The following DPP10 variants were observed in gnomAD, a reference collection of about 807,000 sequenced individuals.
DPP10 encodes dipeptidyl peptidase like 10, also known as inactive dipeptidyl peptidase 10.
In DPP10, 33 loss-of-function variants were observed where a neutral mutation model predicts 120.9. That is an observed-to-expected ratio of 0.27 (90% CI 0.21 to 0.37). The LOEUF is 0.37. Ranked by LOEUF, DPP10 falls within the 10% of genes least tolerant of loss-of-function variation. DPP10 has a pLI of 1.00. For missense variants in DPP10, 816 were observed against 942.8 expected, an observed-to-expected ratio of 0.87 and a Z score of 1.76; for synonymous variants, 337 against 326.1, an observed-to-expected ratio of 1.03 and a Z score of -0.36.
At chr2:114,884,670 C>A (rs551103473) in intron 1 of DPP10, among the ~76,000 whole-genome samples, 2 of 152,256 alleles carry the variant, frequency 1.3e-5, no homozygotes, top group African/African-American at 4.8e-5. Flanking sequence ...CTAGCACTGT[C>A]TACTGTACCC....
chr2:115,236,430 G>A (rs183426372), intron 1 of DPP10, among the ~76,000 whole-genome samples: 1 of 152,286 alleles, frequency 6.6e-6, no homozygotes, highest in African/African-American at 2.4e-5. Flanking sequence ...ATCAAGAGGG[G>A]AAGTCATTTT....
At chr2:115,465,970 A>G (rs1489976005) in intron 3 of DPP10, among the ~76,000 whole-genome samples, 1 of 152,184 alleles carries the variant, frequency 6.6e-6, no homozygotes, top group Non-Finnish European at 1.5e-5. Flanking sequence ...CTTTTTAAAA[A>G]TGATAATTAC....
At chr2:114,910,496 T>G (rs1215034022) in intron 1 of DPP10, among the ~76,000 whole-genome samples, 3 of 152,078 alleles carry the variant, frequency 2.0e-5, no homozygotes, top group Non-Finnish European at 4.4e-5. Context: ...AATGAATTGT[T>G]ATAATAAACT....
At chr2:115,008,355 T>C (rs1702011245) in intron 1 of DPP10, among the ~76,000 whole-genome samples, 28 of 97,894 alleles carry the variant, frequency 2.9e-4, no homozygotes, top group South Asian at 3.8e-4. Context: ...TAAATGGTGC[T>C]GGGAAAACTG....
chr2:115,106,260 G>A (rs2048940231), intron 1 of DPP10, among the ~76,000 whole-genome samples: 1 of 152,192 alleles, frequency 6.6e-6, no homozygotes, highest in Non-Finnish European at 1.5e-5. Flanking sequence ...CTTGTAGTGA[G>A]GTAGTAACAG....
At chr2:114,474,952 C>T (rs1264475330) in intron 1 of DPP10, among the ~76,000 whole-genome samples, 3 of 152,178 alleles carry the variant, frequency 2.0e-5, no homozygotes, top group Admixed American at 6.5e-5. Context: ...ACCTGGAGGC[C>T]TTGCCATGCA....
At chr2:115,368,911 A>T (rs904461817) in intron 3 of DPP10, among the ~76,000 whole-genome samples, 1 of 151,868 alleles carries the variant, frequency 6.6e-6, no homozygotes, top group African/African-American at 2.4e-5. Context: ...ATATTACTGT[A>T]TGGTAAGTTT....
chr2:115,549,362 G>A (rs1314960215), intron 5 of DPP10, among the ~76,000 whole-genome samples: 2 of 152,024 alleles, frequency 1.3e-5, no homozygotes, highest in African/African-American at 4.8e-5. Flanking sequence ...TTCTTGTGAG[G>A]TTAACTGCAC....
At chr2:114,620,696 G>A (rs1694027308) in intron 1 of DPP10, among the ~76,000 whole-genome samples, 2 of 151,980 alleles carry the variant, frequency 1.3e-5, no homozygotes, top group Admixed American at 1.3e-4. Context: ...AAAGTACTAG[G>A]CCAATTAATT....
intron 1 of DPP10, among the ~76,000 whole-genome samples, chr2:115,082,275 G>A (rs1429888973): frequency 6.6e-6 from 1 of 152,118 alleles, no homozygotes; most frequent in Non-Finnish European, 1.5e-5. Context: ...GAGCCAAGGG[G>A]AGGTTTCTCA....
At chr2:114,981,492 C>G (rs2104858253) in intron 1 of DPP10, among the ~76,000 whole-genome samples, 1 of 152,202 alleles carries the variant, frequency 6.6e-6, no homozygotes, top group African/African-American at 2.4e-5. Context: ...CCCATATGAT[C>G]GTAAGAAAAA....
intron 5 of DPP10, among the ~76,000 whole-genome samples, chr2:115,668,194 T>G (rs191035018): frequency 2.0e-5 from 3 of 152,216 alleles, no homozygotes; most frequent in African/African-American, 7.2e-5. Flanking sequence ...GTGCCAATAT[T>G]CAGGTGCTGA....
intron 1 of DPP10, among the ~76,000 whole-genome samples, chr2:115,107,912 A>G (rs998836828): frequency 2.6e-5 from 4 of 152,208 alleles, no homozygotes; most frequent in African/African-American, 4.8e-5. Flanking sequence ...GGGAAAAGAC[A>G]TCAAATAACC....
At chr2:114,536,272 TC>T (rs1465834374) in intron 1 of DPP10, among the ~76,000 whole-genome samples, 2 of 152,162 alleles carry the variant, frequency 1.3e-5, no homozygotes, top group African/African-American at 4.8e-5. Flanking sequence ...ATGAATCTTT[TC>T]CCTTAGAGGA....
chr2:114,497,974 C>G (rs1682827248), intron 1 of DPP10, among the ~76,000 whole-genome samples: 1 of 152,142 alleles, frequency 6.6e-6, no homozygotes, highest in Non-Finnish European at 1.5e-5. Flanking sequence ...TCTAGCCTTG[C>G]CTTCTGGATT....
At chr2:114,833,343 C>G (rs973592580) in intron 1 of DPP10, 2 of 151,174 alleles carry the variant, frequency 1.3e-5, no homozygotes, top group African/African-American at 4.9e-5. Context: ...GAATGTCAAT[C>G]ATTTTCAATT....
intron 1 of DPP10, among the ~76,000 whole-genome samples, chr2:115,242,963 G>A (rs1391214996): frequency 6.6e-6 from 1 of 152,084 alleles, no homozygotes; most frequent in African/African-American, 2.4e-5. Flanking sequence ...TTTATTGGTA[G>A]TTGGTGATAC....
Position 115,814,725 on chromosome 2 carries a change from A to G in DPP10, c.1701-68A>G, listed in dbSNP as rs573667764. ...CTTTCCCATTACTTAACTTGTGAGT[A>G]TGAAAGGTAAAATTTCTACCAGATT... On this transcript the variant is annotated intron_variant, in intron 19 of 25. Transcript: ENST00000410059. 3.8e-6 allele frequency: 5 copies of G among 1,316,544 alleles called. No homozygotes were observed. The East Asian group carries it at 9.6e-5, about 25-fold the overall frequency. The allele number at this position is 1,316,544 out of a possible 1,614,324, so 81.6% of individuals were successfully genotyped here. A position where few individuals can be genotyped will look rare whatever the true frequency, so the allele number is the denominator to read the frequency against.
chr2:114,829,804 A>G (rs1211517918), intron 1 of DPP10, among the ~76,000 whole-genome samples: 1 of 152,160 alleles, frequency 6.6e-6, no homozygotes, highest in Non-Finnish European at 1.5e-5. Context: ...CATTTTACAT[A>G]ACGTTTTCAA....
Sources: allele counts gnomAD v4.1 joint callset (sites outside exome capture counted in the v4.1 genomes callset), GRCh38; gene constraint gnomAD v4.1.1; transcripts MANE v1.5; gene names NCBI Gene and HGNC (gene_info 2026-07-23, HGNC 2026-07-21).